Variants in CPNE4 observed in about 807,000 individuals in gnomAD.
The protein encoded by CPNE4 is copine 4, also known as copine-4.
A neutral mutation model predicts 67.9 loss-of-function variants in CPNE4; 25 were observed. That is an observed-to-expected ratio of 0.37 (90% CI 0.27 to 0.51). The LOEUF is 0.51. CPNE4 is among the 20% of genes least tolerant of loss of function. CPNE4 has a pLI of 0.93. For synonymous variants in CPNE4, 242 were observed against 244.9 expected, an observed-to-expected ratio of 0.99 and a Z score of 0.11; for missense variants, 464 against 690.8, an observed-to-expected ratio of 0.67 and a Z score of 3.68.
chr3:131,621,716 T>C (rs1940475197), intron 7 of CPNE4, among the ~76,000 whole-genome samples: 1 of 151,936 alleles, frequency 6.6e-6, no homozygotes, highest in African/African-American at 2.4e-5. Context: ...TGCCATTAAA[T>C]GGAATGTAGG....
At chr3:131,647,293 C>A (rs2079690805) in intron 7 of CPNE4, among the ~76,000 whole-genome samples, 1 of 152,170 alleles carries the variant, frequency 6.6e-6, no homozygotes, top group Non-Finnish European at 1.5e-5. Context: ...CCCAGTAAAT[C>A]TTACTGCCAA....
chr3:131,588,663 C>A (rs1938337095), intron 7 of CPNE4, among the ~76,000 whole-genome samples: 1 of 152,078 alleles, frequency 6.6e-6, no homozygotes, highest in African/African-American at 2.4e-5. Flanking sequence ...CATTGTTTCC[C>A]CCTAAATTTA....
At chr3:131,929,582 C>T (rs1025091532) in intron 1 of CPNE4, among the ~76,000 whole-genome samples, 11 of 63,826 alleles carry the variant, frequency 1.7e-4, no homozygotes, top group African/African-American at 9.5e-4. Flanking sequence ...TGCCCTTGGC[C>T]TCCAAGGGAA....
intron 7 of CPNE4, among the ~76,000 whole-genome samples, chr3:131,635,728 A>C (rs1252957262): frequency 6.6e-6 from 1 of 152,212 alleles, no homozygotes; most frequent in Non-Finnish European, 1.5e-5. Context: ...GAGAGGGATG[A>C]AGATGGCAGA....
chr3:132,033,014 T>C (rs76249587), intron 1 of CPNE4, among the ~76,000 whole-genome samples: 2,939 of 152,358 alleles, frequency 0.019, 103 homozygotes, highest in African/African-American at 0.066. Context: ...TTTTGTTTTG[T>C]TATAAAGCAG....
At chr3:131,546,022 C>G (rs554164788) in intron 14 of CPNE4, among the ~76,000 whole-genome samples, 2 of 152,076 alleles carry the variant, frequency 1.3e-5, no homozygotes, top group African/African-American at 2.4e-5. Context: ...CCACTGCACT[C>G]CAGCCTGGCA....
intron 14 of CPNE4, among the ~76,000 whole-genome samples, chr3:131,546,581 T>C (rs1935851526): frequency 6.6e-6 from 1 of 152,092 alleles, no homozygotes; most frequent in South Asian, 2.1e-4. Context: ...TAGGGGTAAT[T>C]TATATGGAGA....
At chr3:131,690,798 TTGTC>T (rs1477732220) in intron 5 of CPNE4, among the ~76,000 whole-genome samples, 1 of 151,816 alleles carries the variant, frequency 6.6e-6, no homozygotes, top group Admixed American at 6.6e-5. Flanking sequence ...ATCAAACTAT[TTGTC>T]TGGCAAAGAT....
chr3:131,870,763 A>G (rs2087166129), intron 2 of CPNE4, among the ~76,000 whole-genome samples: 1 of 152,174 alleles, frequency 6.6e-6, no homozygotes, highest in Non-Finnish European at 1.5e-5. Context: ...TGCTACCAGA[A>G]GGTTTCTATT....
At chr3:131,597,046 C>A (rs1212410509) in intron 7 of CPNE4, among the ~76,000 whole-genome samples, 2 of 152,174 alleles carry the variant, frequency 1.3e-5, no homozygotes, top group African/African-American at 4.8e-5. Flanking sequence ...TGAACACTCA[C>A]TTTGTCCCAG....
intron 7 of CPNE4, among the ~76,000 whole-genome samples, chr3:131,620,697 A>C (rs1467144747): frequency 6.6e-6 from 1 of 152,220 alleles, no homozygotes; most frequent in African/African-American, 2.4e-5. Context: ...GTAAGAATCA[A>C]AGAAAGAGAT....
chr3:131,665,758 T>C (rs1223494880), intron 7 of CPNE4, among the ~76,000 whole-genome samples: 3 of 151,872 alleles, frequency 2.0e-5, no homozygotes, highest in Non-Finnish European at 2.9e-5. Flanking sequence ...AGAACAAATA[T>C]TAGTTTAAGA....
chr3:132,005,745 A>G (rs7618317), intron 1 of CPNE4, among the ~76,000 whole-genome samples: 117,746 of 151,306 alleles, frequency 0.78, 46,870 homozygotes, highest in South Asian at 0.89. Context: ...TATAAAAAAG[A>G]CAGCCCTCCA....
In CPNE4 at chr3:131,946,104, C is replaced by A. The variant is rs1157807347; in HGVS notation, c.-1-40660G>T. Among the ~76,000 whole-genome samples, 3 of 152,106 alleles carry A rather than the reference C, an allele frequency of 2.0e-5. No homozygotes were observed. In the South Asian group the frequency reaches 6.2e-4, roughly 32 times the overall value. On this transcript the variant is annotated intron_variant, in intron 1 of 15. Coordinates refer to ENST00000429747, the MANE Select transcript of CPNE4 (RefSeq NM_130808.3). ...CACATTCACAATGTTATGCAACTAC[C>A]ACCTCTATCTAGTTCCAAAGCATTT...
chr3:131,765,564 C>T (rs62279047), intron 2 of CPNE4, among the ~76,000 whole-genome samples: 70,497 of 151,758 alleles, frequency 0.46, 16,656 homozygotes, highest in East Asian at 0.57. Flanking sequence ...TAAAGATTCT[C>T]CCTTCACTTC....
intron 2 of CPNE4, among the ~76,000 whole-genome samples, chr3:131,830,520 C>A (rs576120005): frequency 6.6e-6 from 1 of 152,238 alleles, no homozygotes; most frequent in Non-Finnish European, 1.5e-5. Flanking sequence ...TCCCTTGGGA[C>A]TGTGCTTGTA....
intron 1 of CPNE4, among the ~76,000 whole-genome samples, chr3:131,968,180 T>C (rs747851250): frequency 1.3e-5 from 2 of 152,330 alleles, no homozygotes; most frequent in Non-Finnish European, 1.5e-5. Flanking sequence ...ACTGGACCCC[T>C]TCCTTACACC....
At chr3:131,879,649 C>T (rs2087594160) in intron 2 of CPNE4, among the ~76,000 whole-genome samples, 1 of 152,116 alleles carries the variant, frequency 6.6e-6, no homozygotes, top group Non-Finnish European at 1.5e-5. Context: ...GACTCCCCTT[C>T]TCAAAAGGTC....
chr3:131,993,227 G>A lies in CPNE4; in HGVS notation c.-2+41340C>T, dbSNP rs1399506138. 5.9e-5 allele frequency among the ~76,000 whole-genome samples: 8 copies of A among 134,936 alleles called. 1 individual carries two copies. The highest frequency in any genetic ancestry group is 2.0e-4 in the African/African-American group (8 of 40,420). 88.5% of individuals were successfully genotyped at this position (134,936 alleles called of 152,430 possible). A position where few individuals can be genotyped will look rare whatever the true frequency, so the allele number is the denominator to read the frequency against. ...CTTCACTCATGAAAGTATCACAAGT[G>A]GCACTAACGTTCAAAAGGAAGAATA... is the stretch of plus-strand genomic sequence containing the variant. On this transcript the variant is annotated intron_variant, in intron 1 of 15. Transcript: ENST00000429747.
Sources: gnomAD v4.1 joint callset for allele counts (sites outside exome capture counted in the v4.1 genomes callset) on GRCh38, gnomAD v4.1.1 for gene constraint, MANE v1.5 for transcripts, NCBI Gene and HGNC (gene_info 2026-07-23, HGNC 2026-07-21) for gene names.